PPP2R5D: variants seen among roughly 807,000 people sequenced by gnomAD.
The protein encoded by PPP2R5D is protein phosphatase 2 regulatory subunit B'delta.
Under a neutral mutation model 79.1 loss-of-function variants are expected in PPP2R5D, and 12 were observed. The ratio of observed to expected loss-of-function variants is 0.15; its 90% confidence interval spans 0.10 to 0.25. The LOEUF (loss-of-function observed/expected upper bound fraction) is 0.25. Ranked by LOEUF, PPP2R5D falls within the 10% of genes least tolerant of loss-of-function variation. PPP2R5D has a pLI of 1.00. For synonymous variants in PPP2R5D, 277 were observed against 286.6 expected (o/e 0.97, Z 0.34); for missense variants, 419 against 760.2 (o/e 0.55, Z 5.28).
At position 43,011,437 on chromosome 6, in the gene PPP2R5D, A is replaced by AC; in HGVS notation, c.*152dup. On this transcript the variant is annotated 3_prime_UTR_variant, in exon 16 of 16. Coordinates refer to ENST00000485511, the MANE Select transcript of PPP2R5D (RefSeq NM_006245.4). Reference sequence around the variant, plus strand: ...GGGGATGTGGGCACTTGAAGCAGGGACACCCACAGAATGGTCCCTCTTCTC... The same window carrying AC: ...GGGGATGTGGGCACTTGAAGCAGGGACCACCCACAGAATGGTCCCTCTTCTC... 9.4e-7 allele frequency: 1 copy of AC among 1,061,506 alleles called. No homozygotes were observed. Among genetic ancestry groups the AC allele is most frequent in the Non-Finnish European group, 1.3e-6 (1 of 747,308 alleles). 65.8% of individuals were successfully genotyped at this position (1,061,506 alleles called of 1,614,324 possible). A position where few individuals can be genotyped will look rare whatever the true frequency, so the allele number is the denominator to read the frequency against.
chr6:42,984,589 G>A lies in PPP2R5D; in HGVS notation c.-89G>A, dbSNP rs1484498444. Reference sequence around the variant, plus strand: ...CCGGGCGCAGCGCGCAGGCGGTGGCGAAGAGACGCCGAGCGGGCCGAGTGC... The same window carrying A: ...CCGGGCGCAGCGCGCAGGCGGTGGCAAAGAGACGCCGAGCGGGCCGAGTGC... On this transcript the variant is annotated 5_prime_UTR_variant, in exon 1 of 16. Transcript: ENST00000485511. The A allele has an allele frequency of 3.4e-6, 5 of 1,489,788 alleles. No homozygotes were observed. Among genetic ancestry groups the A allele is most frequent in the Admixed American group, 5.0e-5 (2 of 40,126 alleles). The allele number at this position is 1,489,788 out of a possible 1,614,324, so 92.3% of individuals were successfully genotyped here.
rs755243916 is a variant in PPP2R5D, at chr6:43,008,271, G to T, written c.917+11G>T. On this transcript the variant is annotated intron_variant, in intron 8 of 15. Coordinates refer to ENST00000485511, the MANE Select transcript of PPP2R5D (RefSeq NM_006245.4). This position sits in a 1 kb window ranked among gnomAD's most constrained non-coding sequence, Gnocchi z 4.2. ...GGAGATCCTGGGCAGGTGAGAGGCC[G>T]GGTGGGGGCACAGATGCCTGAAAAA... 6 of 1,614,052 alleles carry T rather than the reference G, an allele frequency of 3.7e-6. No homozygotes were observed. In the African/African-American group the frequency reaches 8.0e-5, roughly 22 times the overall value.
At chr6:42,995,278 C>T (rs988285015) in intron 2 of PPP2R5D, among the ~76,000 whole-genome samples, 13 of 151,248 alleles carry the variant, frequency 8.6e-5, no homozygotes, top group African/African-American at 1.5e-4. Flanking sequence ...GCTGCAGGCA[C>T]GAGCCACTGT....
At position 43,009,275 on chromosome 6, in the gene PPP2R5D, C is replaced by T; in HGVS notation, c.1252-47C>T. On this transcript the variant is annotated intron_variant, in intron 11 of 15. Coordinates refer to ENST00000485511, the MANE Select transcript of PPP2R5D (RefSeq NM_006245.4). The surrounding 1 kb of genome is among the most constrained non-coding windows in gnomAD (Gnocchi z 5.6). The stretch of plus-strand genomic sequence containing the variant: ...CCTAGCCCCTGCCAGAAACTGAGGT[C>T]TTGAGTGAAATGAGCAGCACCCACC... The T allele has an allele frequency of 6.2e-7, 1 of 1,614,024 alleles. No individual in the cohort carries two copies. Among genetic ancestry groups the T allele is most frequent in the Non-Finnish European group, 8.5e-7 (1 of 1,179,972 alleles).
rs1491262859 is a variant in PPP2R5D at position 43,007,131 on chromosome 6, CAG to C, written c.522+22_522+23del. On this transcript the variant is annotated intron_variant, in intron 4 of 15. Coordinates refer to ENST00000485511, the MANE Select transcript of PPP2R5D (RefSeq NM_006245.4). The surrounding 1 kb of genome is among the most constrained non-coding windows in gnomAD (Gnocchi z 4.5). The stretch of plus-strand genomic sequence containing the variant: ...CCATGGTGGGCACAGGGAAAGGACA[CAG>C]GGGGGACTGGTGAGGGGCTCTGGAG... 4.2e-3 allele frequency: 6,806 copies of C among 1,614,140 alleles called. 24 individuals carry two copies. Among genetic ancestry groups the C allele is most frequent in the East Asian group, 0.013 (583 of 44,866 alleles).
intron 2 of PPP2R5D, among the ~76,000 whole-genome samples, chr6:43,005,429 G>A (rs1762021730): frequency 6.6e-6 from 1 of 151,908 alleles, no homozygotes; most frequent in African/African-American, 2.4e-5. Context: ...TAAGCTTCCT[G>A]AGTAGCTGGA....
chr6:42,996,005 AT>A (rs1320953993), intron 2 of PPP2R5D, among the ~76,000 whole-genome samples: 72,684 of 111,474 alleles, frequency 0.65, 24,124 homozygotes, highest in Non-Finnish European at 0.74. Context: ...GGGACTTTCT[AT>A]TTTTTTTTTT....
At chr6:43,002,466 T>A (rs1228361821) in intron 2 of PPP2R5D, among the ~76,000 whole-genome samples, 2 of 151,874 alleles carry the variant, frequency 1.3e-5, no homozygotes, top group Non-Finnish European at 2.9e-5. Context: ...CCTGGCCTAG[T>A]TGTTCTTAAG....
In PPP2R5D at chr6:43,012,173, G is replaced by A; in HGVS notation, c.*887G>A. ...TTGTCCCTTATAGGTACCTTGGAGGGGCCAGGGGCTGAGGAAGGCCGGACC... is the reference window on the plus strand; with the variant it reads ...TTGTCCCTTATAGGTACCTTGGAGGAGCCAGGGGCTGAGGAAGGCCGGACC... On this transcript the variant is annotated 3_prime_UTR_variant, in exon 16 of 16. Coordinates refer to ENST00000485511, the MANE Select transcript of PPP2R5D (RefSeq NM_006245.4). 1 of 1,106,142 alleles carries A rather than the reference G, an allele frequency of 9.0e-7. No homozygotes were observed. Among genetic ancestry groups the A allele is most frequent in the Non-Finnish European group, 1.1e-6 (1 of 906,828 alleles). The allele number at this position is 1,106,142 out of a possible 1,614,324, so 68.5% of individuals were successfully genotyped here. A position where few individuals can be genotyped will look rare whatever the true frequency, so the allele number is the denominator to read the frequency against.
Position 43,006,744 on chromosome 6 carries a change from T to A in PPP2R5D, c.322+65T>A. ...TAGTGGGCATCGGGAGTTGGTGGAA[T>A]GGAAGTTTTGGGGTATTTTGCGGGG... On this transcript the variant is annotated intron_variant, in intron 3 of 15. Coordinates refer to ENST00000485511, the MANE Select transcript of PPP2R5D (RefSeq NM_006245.4). The surrounding 1 kb of genome is among the most constrained non-coding windows in gnomAD (Gnocchi z 4.7). 1 of 1,587,084 alleles carries A rather than the reference T, an allele frequency of 6.3e-7. No individual in the cohort carries two copies. The highest frequency in any genetic ancestry group is 8.6e-7 in the Non-Finnish European group (1 of 1,164,200).
chr6:43,006,796 G>A lies in PPP2R5D; in HGVS notation c.323-115G>A. ...AGGGAGTTCCAGAGAATGCGGGAAGGGGGTGCCAGGGAGCAGGATGGTGGC... is the reference window on the plus strand; with the variant it reads ...AGGGAGTTCCAGAGAATGCGGGAAGAGGGTGCCAGGGAGCAGGATGGTGGC... On this transcript the variant is annotated intron_variant, in intron 3 of 15. Transcript: ENST00000485511. The surrounding 1 kb of genome is among the most constrained non-coding windows in gnomAD (Gnocchi z 4.7). The A allele has an allele frequency of 6.4e-7, 1 of 1,570,782 alleles. No homozygotes were observed. The highest frequency in any genetic ancestry group is 8.7e-7 in the Non-Finnish European group (1 of 1,151,596).
intron 2 of PPP2R5D, among the ~76,000 whole-genome samples, chr6:42,997,106 G>C (rs1041303693): frequency 6.6e-6 from 1 of 151,760 alleles, no homozygotes; most frequent in African/African-American, 2.4e-5. Flanking sequence ...AGTGATTTTT[G>C]TGTCTCAGCC....
At chr6:42,990,606 G>C (rs1163253606) in intron 2 of PPP2R5D, among the ~76,000 whole-genome samples, 1 of 151,488 alleles carries the variant, frequency 6.6e-6, no homozygotes, top group African/African-American at 2.4e-5. Flanking sequence ...TAAGTAATGA[G>C]AAGCTGAGTA....
Position 43,008,661 on chromosome 6 carries a change from C to G in PPP2R5D, c.1027-32C>G, listed in dbSNP as rs751652204. 6.2e-7 allele frequency: 1 copy of G among 1,609,172 alleles called. No individual in the cohort carries two copies. The highest frequency in any genetic ancestry group is 8.5e-7 in the Non-Finnish European group (1 of 1,175,516). On this transcript the variant is annotated intron_variant, in intron 9 of 15. Coordinates refer to ENST00000485511, the MANE Select transcript of PPP2R5D (RefSeq NM_006245.4). The surrounding 1 kb of genome is among the most constrained non-coding windows in gnomAD (Gnocchi z 4.2). ...TCTCTGAGAGCTTCTAGGACCTACA[C>G]CTCACCTCCCTTCTACCTCACACCT... is the stretch of plus-strand genomic sequence containing the variant.
rs760522722 is a variant in PPP2R5D at position 43,007,976 on chromosome 6, C to T, written c.768C>T (p.Asp256=). 13 of 1,614,054 alleles carry T rather than the reference C, an allele frequency of 8.1e-6. No homozygotes were observed. Among genetic ancestry groups the T allele is most frequent in the Non-Finnish European group, 2.5e-6 (3 of 1,180,040 alleles). The change falls in exon 7 of 16, where the codon GAC becomes GAT. Residue 256 remains aspartate (D), a synonymous_variant. Coordinates refer to ENST00000485511, the MANE Select transcript of PPP2R5D (RefSeq NM_006245.4). The surrounding 1 kb of genome is among the most constrained non-coding windows in gnomAD (Gnocchi z 4.5). ...ACAGTGAGGATCCTCGAGAGCGGGA[C>T]TTCCTCAAGACCATTTTGCATCGCA... The part of the protein sequence containing the change: ...LFDSEDPRER[D]FLKTILHRIY...
chr6:42,998,167 C>T (rs1771927930), intron 2 of PPP2R5D, among the ~76,000 whole-genome samples: 1 of 139,636 alleles, frequency 7.2e-6, no homozygotes, highest in Non-Finnish European at 1.5e-5. Flanking sequence ...CTCTGCCTCC[C>T]GGGTTCAAGC....
At chr6:42,988,845 T>G (rs867363152) in intron 1 of PPP2R5D, among the ~76,000 whole-genome samples, 2 of 152,316 alleles carry the variant, frequency 1.3e-5, no homozygotes, top group South Asian at 4.1e-4. Flanking sequence ...AATCCCCAAG[T>G]CTTTTTCACA....
In PPP2R5D at chr6:43,009,590, G is replaced by A; in HGVS notation, c.1379+141G>A. The A allele has an allele frequency of 1.6e-6, 2 of 1,220,918 alleles. No homozygotes were observed. Among genetic ancestry groups the A allele is most frequent in the Non-Finnish European group, 2.3e-6 (2 of 874,740 alleles). The allele number at this position is 1,220,918 out of a possible 1,614,324, so 75.6% of individuals were successfully genotyped here. A position where few individuals can be genotyped will look rare whatever the true frequency, so the allele number is the denominator to read the frequency against. ...CCCCTGCATGTTGATAGGACCTTGA[G>A]GGGCTGACTGGAGCGAAAAGATGCC... On this transcript the variant is annotated intron_variant, in intron 12 of 15. Transcript: ENST00000485511. The surrounding 1 kb of genome is among the most constrained non-coding windows in gnomAD (Gnocchi z 5.6).
Position 43,009,914 on chromosome 6 carries a change from C to T in PPP2R5D, c.1379+465C>T, listed in dbSNP as rs1762268023. 6.6e-6 allele frequency among the ~76,000 whole-genome samples: 1 copy of T among 152,010 alleles called. No homozygotes were observed. The highest frequency in any genetic ancestry group is 2.4e-5 in the African/African-American group (1 of 41,410). ...GAAACCCCCATCTCTACTAAAAATACAAAAATTAGCTGGGTGTAGTGGTGG... is the reference window on the plus strand; with the variant it reads ...GAAACCCCCATCTCTACTAAAAATATAAAAATTAGCTGGGTGTAGTGGTGG... On this transcript the variant is annotated intron_variant, in intron 12 of 15. Coordinates refer to ENST00000485511, the MANE Select transcript of PPP2R5D (RefSeq NM_006245.4). The surrounding 1 kb of genome is among the most constrained non-coding windows in gnomAD (Gnocchi z 5.6).
Sources: allele counts gnomAD v4.1 joint callset (sites outside exome capture counted in the v4.1 genomes callset), GRCh38; gene constraint gnomAD v4.1.1; non-coding constraint Gnocchi (gnomAD v3.1); transcripts MANE v1.5; gene names NCBI Gene and HGNC (gene_info 2026-07-23, HGNC 2026-07-21).